Variants in KLHDC7A observed in about 807,000 individuals in gnomAD.
KLHDC7A encodes kelch domain-containing protein 7A.
For synonymous variants in KLHDC7A, 464 were observed against 461.0 expected, an observed-to-expected ratio of 1.01 and a Z score of -0.08; for missense variants, 1,123 against 1,052.6, an observed-to-expected ratio of 1.07 and a Z score of -0.93.
chr1:18,481,036 G>C lies in KLHDC7A; in HGVS notation c.55G>C (p.Gly19Arg). 1 of 1,612,900 alleles carries C rather than the reference G, an allele frequency of 6.2e-7. No homozygotes were observed. The part of the protein sequence containing the change: ...QDWHLDMQLT[G>R]KVVLSAAALL... ...CTGGCATTTGGATATGCAGCTGACC[G>C]GCAAGGTGGTGCTGTCAGCCGCTGC... The change falls in exon 1 of 1, where the codon GGC becomes CGC. Residue 19 changes from glycine to arginine, a missense_variant. Physicochemically the swap from Gly to Arg is moderately radical, Grantham distance 125 (BLOSUM62 -2). Transcript: ENST00000400664.
chr1:18,482,716 C>CG lies in KLHDC7A; in HGVS notation c.1737dup (p.Pro580AlafsTer42). 4.3e-6 allele frequency: 7 copies of CG among 1,610,214 alleles called. No individual in the cohort carries two copies. The highest frequency in any genetic ancestry group is 5.9e-6 in the Non-Finnish European group (7 of 1,179,220). On this transcript the variant is annotated frameshift_variant, in exon 1 of 1. Coordinates refer to ENST00000400664, the MANE Select transcript of KLHDC7A (RefSeq NM_152375.3). LOFTEE classifies it low-confidence loss of function (END_TRUNC). ...CGAGGTGTGCCCGCTGAACCAGGCC[C>CG]GGCCGCACTGCCGGCTGGTGGCCCT...
chr1:18,483,110 CGCCTTACCCGGAT>C lies in KLHDC7A; in HGVS notation c.2135_2147del (p.Tyr712SerfsTer22), dbSNP rs770391073. 3 of 1,613,902 alleles carry C rather than the reference CGCCTTACCCGGAT, an allele frequency of 1.9e-6. No individual in the cohort carries two copies. Among genetic ancestry groups the C allele is most frequent in the Non-Finnish European group, 2.5e-6 (3 of 1,180,020 alleles). On this transcript the variant is annotated frameshift_variant, in exon 1 of 1. Coordinates refer to ENST00000400664, the MANE Select transcript of KLHDC7A (RefSeq NM_152375.3). LOFTEE classifies it low-confidence loss of function (END_TRUNC). ...TGGTACGAGTGCGCCACGTACCGGA[CGCCTTACCCGGAT>C]GCCTTCCAGTGCGCCGTGGTGGACA... is the stretch of plus-strand genomic sequence containing the variant.
rs1406176289 is a variant in KLHDC7A at position 18,481,344 on chromosome 1, C to T, written c.363C>T (p.Gly121=). ...CAGACAGGAAGCCCCAGAGAAAAGGCTCAGGTGAGGAGCGGGGCGGGCAGG... is the reference window on the plus strand; with the variant it reads ...CAGACAGGAAGCCCCAGAGAAAAGGTTCAGGTGAGGAGCGGGGCGGGCAGG... ...TSTDRKPQRK[G]SGEERGGQGS... Residue 121 remains glycine, a synonymous_variant, in exon 1 of 1, where the codon GGC becomes GGT. Transcript: ENST00000400664. 1.9e-6 allele frequency: 3 copies of T among 1,599,416 alleles called. No homozygotes were observed. Among genetic ancestry groups the T allele is most frequent in the East Asian group, 4.5e-5 (2 of 44,854 alleles).
At position 18,482,012 on chromosome 1, in the gene KLHDC7A, A is replaced by T; in HGVS notation, c.1031A>T (p.Glu344Val). ...GQAGDTKGAA[E>V]RAASPQTGPW... ...GCCGGTGACACAAAGGGTGCAGCCG[A>T]AAGAGCCGCCTCCCCGCAGACAGGG... The change falls in exon 1 of 1, where the codon GAA (glutamate) becomes GTA (valine). Residue 344 changes from glutamate to valine, a missense_variant. By Grantham distance (121) the Glu-to-Val change is moderately radical. Transcript: ENST00000400664. The T allele has an allele frequency of 6.2e-7, 1 of 1,612,862 alleles. No individual in the cohort carries two copies. The highest frequency in any genetic ancestry group is 8.5e-7 in the Non-Finnish European group (1 of 1,179,954).
At position 18,481,605 on chromosome 1, in the gene KLHDC7A, C is replaced by T. The variant is rs2086890275; in HGVS notation, c.624C>T (p.His208=). 2 of 1,613,870 alleles carry T rather than the reference C, an allele frequency of 1.2e-6. No individual in the cohort carries two copies. Among genetic ancestry groups the T allele is most frequent in the Admixed American group, 1.7e-5 (1 of 60,008 alleles). Residue 208 remains histidine (H), a synonymous_variant, in exon 1 of 1, where the codon CAC becomes CAT. Coordinates refer to ENST00000400664, the MANE Select transcript of KLHDC7A (RefSeq NM_152375.3). ...GGCAACTAGAACCTCCCCACTGTCACTACGTGGCTCCCTTGCAAGGCAGCA... is the reference window on the plus strand; with the variant it reads ...GGCAACTAGAACCTCCCCACTGTCATTACGTGGCTCCCTTGCAAGGCAGCA... The part of the protein sequence containing the change: ...GLGQLEPPHC[H]YVAPLQGSSD...
chr1:18,482,958 C>T lies in KLHDC7A; in HGVS notation c.1977C>T (p.Ala659=), dbSNP rs1378061584. The change falls in exon 1 of 1, where the codon GCC becomes GCT. Residue 659 remains alanine, a synonymous_variant. Transcript: ENST00000400664. ...RFSAQEQRWW[A]GPTGGSKDRT... The stretch of plus-strand genomic sequence containing the variant: ...CTGCGCAGGAGCAGCGCTGGTGGGC[C>T]GGCCCCACCGGGGGCAGCAAGGACC... 1.9e-6 allele frequency: 3 copies of T among 1,612,134 alleles called. No individual in the cohort carries two copies. Among genetic ancestry groups the T allele is most frequent in the Admixed American group, 1.7e-5 (1 of 59,960 alleles).
In KLHDC7A at chr1:18,482,220, C is replaced by G; in HGVS notation, c.1239C>G (p.Thr413=). 4.4e-6 allele frequency: 7 copies of G among 1,608,860 alleles called. No individual in the cohort carries two copies. The highest frequency in any genetic ancestry group is 5.9e-6 in the Non-Finnish European group (7 of 1,179,912). ...CCCATGTGCAGCCGGTGGCCGGGAC[C>G]AATTTCTTCCATATCCCGCTCACCC... The part of the protein sequence containing the change: ...REPHVQPVAG[T]NFFHIPLTPA... The change falls in exon 1 of 1, where the codon ACC becomes ACG. Residue 413 remains threonine (T), a synonymous_variant. Transcript: ENST00000400664.
rs781636277 is a variant in KLHDC7A at position 18,483,012 on chromosome 1, C to G, written c.2031C>G (p.Gly677=). Residue 677 remains glycine, a synonymous_variant, in exon 1 of 1, where the codon GGC becomes GGG. Coordinates refer to ENST00000400664, the MANE Select transcript of KLHDC7A (RefSeq NM_152375.3). ...CGGCCGAGATGGTGGCGGTCAACGG[C>G]TTTCTCTACCGCTTTGACCTCAACC... ...DRTAEMVAVN[G]FLYRFDLNRS... is the part of the protein sequence containing the mutation. 6.2e-7 allele frequency: 1 copy of G among 1,613,380 alleles called. No homozygotes were observed. Among genetic ancestry groups the G allele is most frequent in the Non-Finnish European group, 8.5e-7 (1 of 1,179,948 alleles).
At position 18,482,691 on chromosome 1, in the gene KLHDC7A, C is replaced by A; in HGVS notation, c.1710C>A (p.Ser570Arg). The A allele has an allele frequency of 1.9e-6, 3 of 1,609,516 alleles. No individual in the cohort carries two copies. ...FCYNPLTGIWSEVCPLNQARP... is the reference protein window; with the variant it reads ...FCYNPLTGIWREVCPLNQARP... ...ACAACCCGCTCACGGGGATCTGGAG[C>A]GAGGTGTGCCCGCTGAACCAGGCCC... Residue 570 changes from serine (S) to arginine (R), a missense_variant, in exon 1 of 1, where the codon AGC (serine) becomes AGA (arginine). By Grantham distance (110) the Ser-to-Arg change is moderately radical (BLOSUM62 -1). Coordinates refer to ENST00000400664, the MANE Select transcript of KLHDC7A (RefSeq NM_152375.3).
rs750481937 is a variant in KLHDC7A at position 18,482,911 on chromosome 1, C to A, written c.1930C>A (p.Arg644Ser). 32 of 1,610,082 alleles carry A rather than the reference C, an allele frequency of 2.0e-5. No individual in the cohort carries two copies. The African/African-American group carries it at 3.2e-4, about 16-fold the overall frequency. Residue 644 changes from arginine to serine, a missense_variant, in exon 1 of 1, where the codon CGC (arginine) becomes AGC (serine). Physicochemically the swap from Arg to Ser is moderately radical, Grantham distance 110. Coordinates refer to ENST00000400664, the MANE Select transcript of KLHDC7A (RefSeq NM_152375.3). Reference sequence around the variant, plus strand: ...AATCTTCGTCACCGGCGGCTCGCTGCGCTTCCTGCTGTTCCGCTTCTCTGC... The same window carrying A: ...AATCTTCGTCACCGGCGGCTCGCTGAGCTTCCTGCTGTTCCGCTTCTCTGC... Reference protein sequence around the residue: ...KEIFVTGGSLRFLLFRFSAQE... With the variant: ...KEIFVTGGSLSFLLFRFSAQE...
chr1:18,482,644 C>T lies in KLHDC7A; in HGVS notation c.1663C>T (p.Pro555Ser), dbSNP rs769910176. 3.7e-6 allele frequency: 6 copies of T among 1,608,194 alleles called. No homozygotes were observed. In the Admixed American group the frequency reaches 5.0e-5, roughly 13 times the overall value. ...CGGCTGCCAGGGGCCCGGGCACCAG[C>T]CCTCCAGCCGCGTCTTCTGCTACAA... ...VSGCQGPGHQ[P>S]SSRVFCYNPL... Residue 555 changes from proline (P) to serine (S), a missense_variant, in exon 1 of 1, where the codon CCC becomes TCC. Physicochemically the swap from Pro to Ser is moderately conservative, Grantham distance 74. Coordinates refer to ENST00000400664, the MANE Select transcript of KLHDC7A (RefSeq NM_152375.3).
chr1:18,483,941 C>T lies in KLHDC7A; in HGVS notation c.*626C>T, dbSNP rs960549817. 1.4e-5 allele frequency: 18 copies of T among 1,304,078 alleles called. No individual in the cohort carries two copies. Among genetic ancestry groups the T allele is most frequent in the Admixed American group, 2.3e-5 (1 of 43,556 alleles). The allele number at this position is 1,304,078 out of a possible 1,614,324, so 80.8% of individuals were successfully genotyped here. A position where few individuals can be genotyped will look rare whatever the true frequency, so the allele number is the denominator to read the frequency against. ...CTGGGGCCAGCCTAGGAGACTCTTG[C>T]TTGCGAGAAAATATACCAAAGCCCA... On this transcript the variant is annotated 3_prime_UTR_variant, in exon 1 of 1. Coordinates refer to ENST00000400664, the MANE Select transcript of KLHDC7A (RefSeq NM_152375.3).
rs761925430 is a variant in KLHDC7A, at chr1:18,481,728, G to A, written c.747G>A (p.Leu249=). 8 of 1,613,960 alleles carry A rather than the reference G, an allele frequency of 5.0e-6. No individual in the cohort carries two copies. The East Asian group carries it at 8.9e-5, about 18-fold the overall frequency. The change falls in exon 1 of 1, where the codon CTG becomes CTA. Residue 249 remains leucine (L), a synonymous_variant. Coordinates refer to ENST00000400664, the MANE Select transcript of KLHDC7A (RefSeq NM_152375.3). ...LEAASDVDLT[L]HQQEGAPNSS... ...CTGCCTCCGATGTTGACCTGACCCT[G>A]CATCAGCAGGAGGGCGCCCCCAACT...
chr1:18,483,108 G>A lies in KLHDC7A; in HGVS notation c.2127G>A (p.Arg709=). The part of the protein sequence containing the change: ...TRLWYECATY[R]TPYPDAFQCA... ...TCTGGTACGAGTGCGCCACGTACCG[G>A]ACGCCTTACCCGGATGCCTTCCAGT... The change falls in exon 1 of 1, where the codon CGG becomes CGA. Residue 709 remains arginine, a synonymous_variant. Transcript: ENST00000400664. 1.9e-6 allele frequency: 3 copies of A among 1,613,906 alleles called. No individual in the cohort carries two copies. The highest frequency in any genetic ancestry group is 1.7e-6 in the Non-Finnish European group (2 of 1,180,030).
In KLHDC7A at chr1:18,482,918, T is replaced by G. The variant is rs1321712955; in HGVS notation, c.1937T>G (p.Leu646Arg). Residue 646 changes from leucine to arginine, a missense_variant, in exon 1 of 1, where the codon CTG (leucine) becomes CGG (arginine). By Grantham distance (102) the Leu-to-Arg change is moderately radical. Transcript: ENST00000400664. ...GTCACCGGCGGCTCGCTGCGCTTCC[T>G]GCTGTTCCGCTTCTCTGCGCAGGAG... Reference protein sequence around the residue: ...IFVTGGSLRFLLFRFSAQEQR... With the variant: ...IFVTGGSLRFRLFRFSAQEQR... The G allele has an allele frequency of 6.2e-7, 1 of 1,610,852 alleles. No homozygotes were observed. Among genetic ancestry groups the G allele is most frequent in the Non-Finnish European group, 8.5e-7 (1 of 1,179,394 alleles).
Position 18,482,754 on chromosome 1 carries a change from G to T in KLHDC7A, c.1773G>T (p.Leu591=), listed in dbSNP as rs1299397568. Residue 591 remains leucine (L), a synonymous_variant, in exon 1 of 1, where the codon CTG becomes CTT. Transcript: ENST00000400664. ...HCRLVALDGH[L]YAIGGECLNS... is the part of the protein sequence containing the mutation. ...GGCTGGTGGCCCTGGACGGGCACCT[G>T]TATGCCATCGGCGGAGAGTGTCTGA... 62 of 1,610,764 alleles carry T rather than the reference G, an allele frequency of 3.8e-5. No homozygotes were observed. Among genetic ancestry groups the T allele is most frequent in the Non-Finnish European group, 5.2e-5 (61 of 1,179,354 alleles).
Position 18,481,755 on chromosome 1 carries a change from C to T in KLHDC7A, c.774C>T (p.Ser258=), listed in dbSNP as rs753190763. ...ATCAGCAGGAGGGCGCCCCCAACTC[C>T]TCCTATACCTTCTCATCCATAGCCC... is the stretch of plus-strand genomic sequence containing the variant. ...TLHQQEGAPN[S]SYTFSSIARV... is the part of the protein sequence containing the mutation. Residue 258 remains serine, a synonymous_variant, in exon 1 of 1, where the codon TCC becomes TCT. Coordinates refer to ENST00000400664, the MANE Select transcript of KLHDC7A (RefSeq NM_152375.3). The T allele has an allele frequency of 1.2e-5, 19 of 1,614,092 alleles. No homozygotes were observed. The highest frequency in any genetic ancestry group is 1.6e-5 in the Non-Finnish European group (19 of 1,179,998).
chr1:18,485,742 T>C lies in KLHDC7A; in HGVS notation c.*2427T>C, dbSNP rs531620726. ...CCTGAGGGCACAATCGTCCTTGCAG[T>C]TTAAGATGACACTTTAAAAATAAAT... On this transcript the variant is annotated 3_prime_UTR_variant, in exon 1 of 1. Transcript: ENST00000400664. 1 of 166,604 alleles carries C rather than the reference T, an allele frequency of 6.0e-6. No homozygotes were observed. The highest frequency in any genetic ancestry group is 2.1e-4 in the South Asian group (1 of 4,742). 10.3% of individuals were successfully genotyped at this position (166,604 alleles called of 1,614,324 possible).
chr1:18,481,227 T>G lies in KLHDC7A; in HGVS notation c.246T>G (p.Arg82=). The G allele has an allele frequency of 6.3e-7, 1 of 1,586,694 alleles. No homozygotes were observed. Among genetic ancestry groups the G allele is most frequent in the Non-Finnish European group, 8.6e-7 (1 of 1,166,100 alleles). The change falls in exon 1 of 1, where the codon CGT becomes CGG. Residue 82 remains arginine, a synonymous_variant. Transcript: ENST00000400664. The part of the protein sequence containing the change: ...SPGVLLRGPR[R]RRSSKRAEAP... ...GGGTGCTCCTGAGGGGGCCAAGACG[T>G]CGGAGGAGCAGCAAGCGGGCTGAAG...
Sources: allele counts gnomAD v4.1 joint callset, GRCh38; gene constraint gnomAD v4.1.1; transcripts MANE v1.5; gene names NCBI Gene and HGNC (gene_info 2026-07-23, HGNC 2026-07-21).